FUT8: variants seen among roughly 807,000 people sequenced by gnomAD.
FUT8 encodes the protein alpha-(1,6)-fucosyltransferase.
FUT8 carries 29 observed loss-of-function variants against 71.3 expected under a neutral mutation model. The observed-to-expected ratio is 0.41, with a 90% CI of 0.30 to 0.55. FUT8 has a LOEUF of 0.55. FUT8 is among the 20% of genes least tolerant of loss of function. The pLI, the probability that FUT8 is intolerant of heterozygous loss-of-function variation, is 0.34. For synonymous variants in FUT8, 254 were observed against 239.3 expected, an observed-to-expected ratio of 1.06 and a Z score of -0.57; for missense variants, 544 against 702.1, an observed-to-expected ratio of 0.77 and a Z score of 2.55.
chr14:65,518,612 C>T (rs1882866105), intron 2 of FUT8, among the ~76,000 whole-genome samples: 1 of 152,126 alleles, frequency 6.6e-6, no homozygotes, highest in African/African-American at 2.4e-5. Context: ...TGCAATCTCT[C>T]CTCCTGGGTT....
intron 2 of FUT8, among the ~76,000 whole-genome samples, chr14:65,549,642 A>G (rs1002661903): frequency 1.3e-5 from 2 of 152,316 alleles, no homozygotes; most frequent in Admixed American, 1.3e-4. Context: ...GATATTGTAA[A>G]TGGCTTTTTG....
chr14:65,512,791 C>T (rs1298650428), intron 2 of FUT8, among the ~76,000 whole-genome samples: 1 of 151,374 alleles, frequency 6.6e-6, no homozygotes, highest in Admixed American at 6.6e-5. Context: ...CGCCTGTAAT[C>T]CTAGCTACTC....
chr14:65,618,547 G>A (rs1369409912), intron 5 of FUT8, among the ~76,000 whole-genome samples: 1 of 152,156 alleles, frequency 6.6e-6, no homozygotes, highest in Non-Finnish European at 1.5e-5. Flanking sequence ...AGATTAGAAT[G>A]CAGTAATACA....
chr14:65,401,910 A>C, the FUT8 span, among the ~76,000 whole-genome samples: 1 of 151,662 alleles, frequency 6.6e-6, no homozygotes, highest in Non-Finnish European at 1.5e-5. Context: ...AAAAAAAAAA[A>C]AAAAAAAGGG....
chr14:65,378,949 C>T, the FUT8 span, among the ~76,000 whole-genome samples: 8 of 140,666 alleles, frequency 5.7e-5, no homozygotes, highest in South Asian at 2.3e-4. Context: ...TGGGTTCAAG[C>T]GATTCTCCTG....
chr14:65,647,281 C>T (rs1045571882), intron 6 of FUT8, among the ~76,000 whole-genome samples: 3 of 152,190 alleles, frequency 2.0e-5, no homozygotes, highest in Middle Eastern at 3.4e-3. Context: ...TGTTAAAGTA[C>T]ATTAAAGGAA....
rs905401008 is a variant in FUT8 at position 65,652,654 on chromosome 14, T to A, written c.598-16589T>A. ...AGTGCTTAAGCACTTTTTTTTTTTTTAAATACAACCAAAAGCAGTCTTAAC... is the reference window on the plus strand; with the variant it reads ...AGTGCTTAAGCACTTTTTTTTTTTTAAAATACAACCAAAAGCAGTCTTAAC... On this transcript the variant is annotated intron_variant, in intron 6 of 10. Transcript: ENST00000673929. The surrounding 1 kb of genome is among the most constrained non-coding windows in gnomAD (Gnocchi z 4.0). Among the ~76,000 whole-genome samples the A allele has an allele frequency of 7.2e-5, 11 of 152,194 alleles. No individual in the cohort carries two copies. The highest frequency in any genetic ancestry group is 1.0e-4 in the Non-Finnish European group (7 of 67,988).
At chr14:65,421,852 A>T (rs1471030151) in intron 1 of FUT8, among the ~76,000 whole-genome samples, 1 of 149,864 alleles carries the variant, frequency 6.7e-6, no homozygotes, top group African/African-American at 2.5e-5. Context: ...AGTCTTCTCC[A>T]GCAGGAATTT....
intron 1 of FUT8, among the ~76,000 whole-genome samples, chr14:65,434,750 A>G (rs762540595): frequency 1.4e-4 from 22 of 152,190 alleles, no homozygotes; most frequent in Admixed American, 1.4e-3. Flanking sequence ...TCCAGAGGAT[A>G]ACCATTTGTA....
intron 3 of FUT8, among the ~76,000 whole-genome samples, chr14:65,581,958 T>C (rs774094496): frequency 1.3e-5 from 2 of 152,194 alleles, no homozygotes; most frequent in Non-Finnish European, 2.9e-5. Flanking sequence ...TTTCTTAGGC[T>C]TGGCAGGATA....
intron 6 of FUT8, among the ~76,000 whole-genome samples, chr14:65,662,658 A>G (rs1384487539): frequency 6.6e-6 from 1 of 152,234 alleles, no homozygotes; most frequent in Non-Finnish European, 1.5e-5. Flanking sequence ...GAGAATAAAT[A>G]AGTATGTTCA....
intron 6 of FUT8, among the ~76,000 whole-genome samples, chr14:65,665,147 T>C (rs906183182): frequency 4.6e-5 from 7 of 152,308 alleles, no homozygotes; most frequent in African/African-American, 1.7e-4. Flanking sequence ...CCTGATATTT[T>C]GTAATTGTTG....
At chr14:65,742,048 G>T in intron 10 of FUT8, 45 bp from the exon 11 acceptor site, 1 of 1,515,456 alleles carries the variant, frequency 6.6e-7, no homozygotes, top group Non-Finnish European at 9.0e-7. Context: ...TGCTGTGAAG[G>T]AGAGTGTTTA....
At chr14:65,598,573 A>G (rs750976398) in intron 3 of FUT8, among the ~76,000 whole-genome samples, 2 of 152,044 alleles carry the variant, frequency 1.3e-5, no homozygotes, top group Non-Finnish European at 2.9e-5. Context: ...TCTATTTACT[A>G]TGTATACATC....
intron 2 of FUT8, among the ~76,000 whole-genome samples, chr14:65,488,769 A>C (rs1301731468): frequency 2.0e-5 from 3 of 152,184 alleles, no homozygotes; most frequent in Non-Finnish European, 4.4e-5. Flanking sequence ...CATCCATAGA[A>C]GACATAGGCC....
the FUT8 span, among the ~76,000 whole-genome samples, chr14:65,358,296 C>T: frequency 1.3e-5 from 2 of 152,028 alleles, no homozygotes; most frequent in East Asian, 1.9e-4. Flanking sequence ...CACATTGTAT[C>T]CCATAAATAT....
chr14:65,576,624 G>A (rs749123673), intron 3 of FUT8, among the ~76,000 whole-genome samples: 8 of 147,064 alleles, frequency 5.4e-5, no homozygotes, highest in Non-Finnish European at 1.1e-4. Context: ...GATCTGCTGG[G>A]CTCAAGCGAT....
chr14:65,721,908 T>C lies in FUT8; in HGVS notation c.969T>C (p.Pro323=), dbSNP rs1265467177. ...ADRLVRVHGD[P]AVWWVSQFVK... is the part of the protein sequence containing the mutation. The stretch of plus-strand genomic sequence containing the variant: ...GACTTGTACGAGTGCATGGTGACCC[T>C]GCAGTGTGGTGGGTGTCTCAGTTTG... The change falls in exon 8 of 11, where the codon CCT becomes CCC. Residue 323 remains proline, a synonymous_variant. Transcript: ENST00000673929. 9.9e-6 allele frequency: 16 copies of C among 1,614,196 alleles called. No homozygotes were observed. Among genetic ancestry groups the C allele is most frequent in the Non-Finnish European group, 1.4e-5 (16 of 1,180,026 alleles).
chr14:65,643,664 ATACACACACAC>A lies in FUT8; in HGVS notation c.597+14059_597+14069del, dbSNP rs1372333780. Reference sequence around the variant, plus strand: ...GCGAGACTCCGTCTTTAAAAAAAAAATACACACACACACACACACACACACACACACACACA... The same window carrying A: ...GCGAGACTCCGTCTTTAAAAAAAAAAACACACACACACACACACACACACA... On this transcript the variant is annotated intron_variant, in intron 6 of 10. Transcript: ENST00000673929. The surrounding 1 kb of genome is among the most constrained non-coding windows in gnomAD (Gnocchi z 4.5). 1.3e-4 allele frequency among the ~76,000 whole-genome samples: 11 copies of A among 82,438 alleles called. No homozygotes were observed. Among genetic ancestry groups the A allele is most frequent in the South Asian group, 4.2e-4 (1 of 2,356 alleles). 54.1% of individuals were successfully genotyped at this position (82,438 alleles called of 152,430 possible).
Sources: allele counts gnomAD v4.1 joint callset (sites outside exome capture counted in the v4.1 genomes callset), GRCh38; gene constraint gnomAD v4.1.1; non-coding constraint Gnocchi (gnomAD v3.1); transcripts MANE v1.5; gene names NCBI Gene and HGNC (gene_info 2026-07-23, HGNC 2026-07-21).